Variants in HS2ST1 observed in about 807,000 individuals in gnomAD.
HS2ST1 encodes heparan sulfate 2-O-sulfotransferase 1, also known as 2-O-sulfotransferase.
In HS2ST1, 18 loss-of-function variants were observed where a neutral mutation model predicts 42.9. The ratio of observed to expected loss-of-function variants is 0.42; its 90% CI spans 0.29 to 0.62. HS2ST1 has a LOEUF of 0.62. HS2ST1 is among the 20% of genes least tolerant of loss of function. The pLI is 0.21. For synonymous variants in HS2ST1, 146 were observed against 152.9 expected (o/e 0.95, Z 0.33); for missense variants, 334 against 433.8 (o/e 0.77, Z 2.04).
chr1:86,973,247 T>G (rs545340860), intron 1 of HS2ST1, among the ~76,000 whole-genome samples: 12 of 152,132 alleles, frequency 7.9e-5, no homozygotes, highest in Admixed American at 3.9e-4. Flanking sequence ...ATCTAACTAA[T>G]TACCAAGATC....
intron 1 of HS2ST1, among the ~76,000 whole-genome samples, chr1:87,059,007 C>T (rs1386743490): frequency 3.3e-5 from 5 of 151,494 alleles, no homozygotes; most frequent in African/African-American, 2.4e-5. Context: ...TGCAGTGAGC[C>T]GAGATCACAC....
chr1:87,086,580 ACCTAG>A (rs1651820884), intron 3 of HS2ST1, among the ~76,000 whole-genome samples: 1 of 152,046 alleles, frequency 6.6e-6, no homozygotes, highest in Non-Finnish European at 1.5e-5. Flanking sequence ...GCCCCAAGAA[ACCTAG>A]GAAATAAGAT....
chr1:87,098,620 G>A (rs183588107), intron 5 of HS2ST1, among the ~76,000 whole-genome samples: 1 of 152,180 alleles, frequency 6.6e-6, no homozygotes. Flanking sequence ...AGATTGCTGT[G>A]GAGTTTAAGG....
At chr1:86,998,281 A>G (rs1020875781) in intron 1 of HS2ST1, among the ~76,000 whole-genome samples, 3 of 152,246 alleles carry the variant, frequency 2.0e-5, no homozygotes, top group African/African-American at 4.8e-5. Flanking sequence ...GACCAAATAC[A>G]TTCAACATCC....
Position 86,915,099 on chromosome 1 carries a change from G to C in HS2ST1, c.63G>C (p.Ala21=), listed in dbSNP as rs1660112824. Residue 21 remains alanine (A), a synonymous_variant, in exon 1 of 7, where the codon GCG becomes GCC. Transcript: ENST00000370550. Reference sequence around the variant, plus strand: ...AGCTGCTGGCGGTGGTGGCCTTCGCGGTGGCGATGCTCTTCTTGGAAAACC... The same window carrying C: ...AGCTGCTGGCGGTGGTGGCCTTCGCCGTGGCGATGCTCTTCTTGGAAAACC... ...KLQLLAVVAF[A]VAMLFLENQI... The C allele has an allele frequency of 1.2e-6, 2 of 1,614,092 alleles. No homozygotes were observed. The highest frequency in any genetic ancestry group is 2.2e-5 in the South Asian group (2 of 91,080).
intron 1 of HS2ST1, among the ~76,000 whole-genome samples, chr1:87,040,001 G>T (rs990250009): frequency 2.0e-5 from 3 of 152,002 alleles, no homozygotes; most frequent in Admixed American, 1.3e-4. Flanking sequence ...ATTGAATGTT[G>T]TTCTTCTTAC....
chr1:86,993,232 A>T lies in HS2ST1; in HGVS notation c.124+78072A>T. 6.7e-6 allele frequency: 9 copies of T among 1,351,442 alleles called. No individual in the cohort carries two copies. The South Asian group carries it at 1.3e-4, about 20-fold the overall frequency. The allele number at this position is 1,351,442 out of a possible 1,614,324, so 83.7% of individuals were successfully genotyped here. The stretch of plus-strand genomic sequence containing the variant: ...AAAGGTACAGTTTGTAATGTATGCA[A>T]CCATACTTAGAAATCTAAAAACTGA... On this transcript the variant is annotated intron_variant, in intron 1 of 6. Coordinates refer to ENST00000370550, the MANE Select transcript of HS2ST1 (RefSeq NM_012262.4).
At chr1:87,103,395 T>C in intron 5 of HS2ST1, 37 bp from the exon 6 acceptor site, 1 of 1,555,914 alleles carries the variant, frequency 6.4e-7, no homozygotes, top group East Asian at 2.3e-5. Context: ...TCAGCAGATT[T>C]CACAACCAGG....
chr1:86,917,163 C>A (rs928554704), intron 1 of HS2ST1, among the ~76,000 whole-genome samples: 1 of 152,136 alleles, frequency 6.6e-6, no homozygotes, highest in Admixed American at 6.5e-5. Context: ...ATTTTGACAA[C>A]CATATTCTGT....
intron 1 of HS2ST1, among the ~76,000 whole-genome samples, chr1:87,060,941 C>T (rs1466899633): frequency 1.3e-5 from 2 of 151,992 alleles, no homozygotes; most frequent in Non-Finnish European, 2.9e-5. Context: ...GGAGCATTAA[C>T]TCCAATATAT....
chr1:86,986,496 C>T (rs72722294), intron 1 of HS2ST1, among the ~76,000 whole-genome samples: 16,936 of 152,160 alleles, frequency 0.11, 1,016 homozygotes, highest in African/African-American at 0.14. Flanking sequence ...TATTAATTTA[C>T]GTGCCAAAGG....
chr1:87,000,106 TA>T (rs140124849), intron 1 of HS2ST1, among the ~76,000 whole-genome samples: 249 of 148,160 alleles, frequency 1.7e-3, no homozygotes, highest in Admixed American at 2.3e-3. Context: ...CTTGACTCAT[TA>T]AAAAAAAAAA....
At chr1:86,936,458 T>G (rs1660655003) in intron 1 of HS2ST1, among the ~76,000 whole-genome samples, 1 of 152,174 alleles carries the variant, frequency 6.6e-6, no homozygotes, top group Admixed American at 6.5e-5. Context: ...CTCTAATATC[T>G]GACATTAAAA....
intron 1 of HS2ST1, among the ~76,000 whole-genome samples, chr1:87,001,647 C>T (rs1649284795): frequency 6.6e-6 from 1 of 152,190 alleles, no homozygotes; most frequent in South Asian, 2.1e-4. Flanking sequence ...AAGTTTCACT[C>T]TTTTTGCCGA....
chr1:86,984,016 G>T (rs532111016), intron 1 of HS2ST1, among the ~76,000 whole-genome samples: 1 of 151,004 alleles, frequency 6.6e-6, no homozygotes, highest in African/African-American at 2.4e-5. Flanking sequence ...CTCTAGCCTG[G>T]GTGACAGAGC....
chr1:86,935,709 G>A (rs994622382), intron 1 of HS2ST1, among the ~76,000 whole-genome samples: 9 of 151,790 alleles, frequency 5.9e-5, no homozygotes, highest in African/African-American at 2.2e-4. Context: ...AGTGATCTGC[G>A]CACCTCGGCC....
At chr1:87,076,756 T>C (rs1042432974) in intron 2 of HS2ST1, among the ~76,000 whole-genome samples, 1 of 149,782 alleles carries the variant, frequency 6.7e-6, no homozygotes, top group African/African-American at 2.5e-5. Context: ...TATATGTGAT[T>C]AGCCACATCT....
At chr1:87,024,168 AG>A (rs1186005378) in intron 1 of HS2ST1, among the ~76,000 whole-genome samples, 38 of 152,248 alleles carry the variant, frequency 2.5e-4, no homozygotes, top group African/African-American at 8.9e-4. Flanking sequence ...GGAAGGAGGA[AG>A]CATGGTGAAA....
At chr1:87,024,049 A>G (rs1163711833) in intron 1 of HS2ST1, among the ~76,000 whole-genome samples, 1 of 152,158 alleles carries the variant, frequency 6.6e-6, no homozygotes, top group African/African-American at 2.4e-5. Flanking sequence ...ATATAGGGAG[A>G]CAGATTTCAG....
Sources: allele counts gnomAD v4.1 joint callset (sites outside exome capture counted in the v4.1 genomes callset), GRCh38; gene constraint gnomAD v4.1.1; transcripts MANE v1.5; gene names NCBI Gene and HGNC (gene_info 2026-07-23, HGNC 2026-07-21).